TMC5: variants seen among roughly 807,000 people sequenced by gnomAD.
The protein encoded by TMC5 is transmembrane channel like 5.
TMC5 carries 86 observed loss-of-function variants against 110.5 expected under a neutral mutation model. The observed-to-expected ratio is 0.78, with a 90% CI of 0.65 to 0.93. TMC5 has a LOEUF of 0.93. Ranked by LOEUF, TMC5 falls within the 40% of genes least tolerant of loss-of-function variation. The pLI is 0.00. For synonymous variants in TMC5, 455 were observed against 439.5 expected (o/e 1.04, Z -0.44); for missense variants, 1,144 against 1,222.8 (o/e 0.94, Z 0.96).
chr16:19,416,976 C>T (rs1291095543), upstream of TMC5, among the ~76,000 whole-genome samples: 2 of 151,248 alleles, frequency 1.3e-5, no homozygotes, highest in Non-Finnish European at 2.9e-5. Flanking sequence ...CACCTGTAAT[C>T]CCAGCTACTC....
chr16:19,419,402 GTTT>G (rs55696911), intron 1 of TMC5, among the ~76,000 whole-genome samples: 1,236 of 65,308 alleles, frequency 0.019, 11 homozygotes, highest in African/African-American at 0.07. Flanking sequence ...GAATGTGTTG[GTTT>G]TTTTTTTTTT....
intron 14 of TMC5, among the ~76,000 whole-genome samples, chr16:19,479,945 A>AAAG (rs1292862930): frequency 7.3e-5 from 11 of 151,046 alleles, no homozygotes; most frequent in South Asian, 2.1e-4. Flanking sequence ...AAAAAAAAAA[A>AAAG]AAGAAGAAGA....
rs750868296 is a variant in TMC5, at chr16:19,463,272, C to G, written c.1149-8C>G. The G allele has an allele frequency of 6.2e-7, 1 of 1,606,686 alleles. No homozygotes were observed. Among genetic ancestry groups the G allele is most frequent in the Admixed American group, 1.7e-5 (1 of 59,978 alleles). On this transcript the variant is annotated splice_polypyrimidine_tract_variant and splice_region_variant and intron_variant, in intron 6 of 21. Transcript: ENST00000542583. ...GTATCTCTCATTTTCTCTTGCTGTTCCCTACAGGAAAATAGTTGACAAAGA... is the reference window on the plus strand; with the variant it reads ...GTATCTCTCATTTTCTCTTGCTGTTGCCTACAGGAAAATAGTTGACAAAGA...
intron 1 of TMC5, 64 bp downstream of exon 1, chr16:19,418,156 C>G (rs570228869): frequency 2.6e-4 from 39 of 152,296 alleles, no homozygotes; most frequent in African/African-American, 9.4e-4. Flanking sequence ...TGCTTGGGAA[C>G]GTGTCAGCGA....
At chr16:19,430,028 A>AC (rs1201703464) in intron 1 of TMC5, among the ~76,000 whole-genome samples, 1 of 152,034 alleles carries the variant, frequency 6.6e-6, no homozygotes, top group Non-Finnish European at 1.5e-5. Context: ...ATGCAACTCA[A>AC]CTCATAACAG....
At chr16:19,482,762 G>C (rs547267337) in intron 15 of TMC5, among the ~76,000 whole-genome samples, 1 of 152,088 alleles carries the variant, frequency 6.6e-6, no homozygotes, top group Non-Finnish European at 1.5e-5. Flanking sequence ...GAAACTCTGC[G>C]TGCATTGAGA....
intron 5 of TMC5, 70 bp downstream of exon 5, chr16:19,449,701 G>T (rs1967704141): frequency 7.2e-7 from 1 of 1,392,570 alleles, no homozygotes; most frequent in Non-Finnish European, 1.0e-6. Context: ...CATGTGTCGG[G>T]GGAGAGACCT....
intron 13 of TMC5, among the ~76,000 whole-genome samples, chr16:19,479,166 G>A (rs1968555968): frequency 6.6e-6 from 1 of 152,146 alleles, no homozygotes; most frequent in Non-Finnish European, 1.5e-5. Flanking sequence ...AGTTTTACGG[G>A]GAGAGATCAT....
chr16:19,452,835 A>G (rs948898854), intron 5 of TMC5, among the ~76,000 whole-genome samples: 3 of 152,098 alleles, frequency 2.0e-5, no homozygotes, highest in African/African-American at 7.2e-5. Flanking sequence ...ACTCCAAGAC[A>G]GAAAGGTGGG....
Position 19,440,833 on chromosome 16 carries a change from T to G in TMC5, c.788+7T>G, listed in dbSNP as rs758690828. ...CCCCAAAGATGACCAGGGGGTAAGT[T>G]CAGATATATATCCCTTCACTGGGAG... On this transcript the variant is annotated splice_region_variant and intron_variant, in intron 3 of 21. Coordinates refer to ENST00000542583, the MANE Select transcript of TMC5 (RefSeq NM_001261841.2). 6.2e-7 allele frequency: 1 copy of G among 1,609,456 alleles called. No homozygotes were observed. Among genetic ancestry groups the G allele is most frequent in the Admixed American group, 1.7e-5 (1 of 59,598 alleles).
At chr16:19,431,260 G>C (rs949684081) in intron 2 of TMC5, among the ~76,000 whole-genome samples, 21 of 152,116 alleles carry the variant, frequency 1.4e-4, no homozygotes, top group African/African-American at 5.1e-4. Flanking sequence ...AAACGTGGGG[G>C]CCGGGCGCGG....
Position 19,492,915 on chromosome 16 carries a change from G to GAGATATATATATATATATAT in TMC5, c.2826+688_2826+689insGATATATATATATATATATA, listed in dbSNP as rs1555486833. ...ATTATTTTTTATTTATTAAAACTTA[G>GAGATATATATATATATATAT]ATATATATATATATATATCTCTCTA... On this transcript the variant is annotated intron_variant, in intron 19 of 21. Coordinates refer to ENST00000542583, the MANE Select transcript of TMC5 (RefSeq NM_001261841.2). Among the ~76,000 whole-genome samples, 45 of 42,774 alleles carry GAGATATATATATATATATAT rather than the reference G, an allele frequency of 1.1e-3. 1 individual carries two copies. The highest frequency in any genetic ancestry group is 0.019 in the Middle Eastern group (1 of 52). The allele number at this position is 42,774 out of a possible 152,430, so 28.1% of individuals were successfully genotyped here.
intron 8 of TMC5, among the ~76,000 whole-genome samples, chr16:19,465,390 C>T (rs936721689): frequency 2.6e-5 from 4 of 151,892 alleles, no homozygotes; most frequent in East Asian, 1.9e-4. Flanking sequence ...AAAAATTAGC[C>T]GGATGTGGTG....
At chr16:19,478,638 G>A (rs143386998) in intron 13 of TMC5, among the ~76,000 whole-genome samples, 552 of 151,946 alleles carry the variant, frequency 3.6e-3, no homozygotes, top group Non-Finnish European at 6.3e-3. Context: ...ATTCATTCAT[G>A]TATTCATCCA....
At chr16:19,474,423 C>T (rs9925709) in intron 12 of TMC5, 147 bp downstream of exon 12, 27,579 of 898,682 alleles carry the variant, frequency 0.031, 1,078 homozygotes, top group African/African-American at 0.16. Context: ...CGTGGTGGCT[C>T]ATGTCAGTAA....
chr16:19,473,033 T>C (rs1052674809), intron 11 of TMC5, among the ~76,000 whole-genome samples: 3 of 151,764 alleles, frequency 2.0e-5, no homozygotes. Flanking sequence ...GCCCAGTGCC[T>C]CTCCCAGCCT....
intron 20 of TMC5, among the ~76,000 whole-genome samples, chr16:19,494,612 G>T (rs1359125867): frequency 6.6e-6 from 1 of 152,162 alleles, no homozygotes; most frequent in Non-Finnish European, 1.5e-5. Flanking sequence ...TTTGAGACCA[G>T]CCTGGCCAAT....
Position 19,457,709 on chromosome 16 carries a change from C to CTTTTTTTTTTTTTTTTTTTTTTTTT in TMC5, c.1049-2516_1049-2492dup, listed in dbSNP as rs573979829. Among the ~76,000 whole-genome samples the CTTTTTTTTTTTTTTTTTTTTTTTTT allele has an allele frequency of 9.1e-5, 4 of 43,906 alleles. 2 individuals are homozygous for CTTTTTTTTTTTTTTTTTTTTTTTTT. The highest frequency in any genetic ancestry group is 2.1e-4 in the Non-Finnish European group (4 of 18,950). 28.8% of individuals were successfully genotyped at this position (43,906 alleles called of 152,430 possible). A position where few individuals can be genotyped will look rare whatever the true frequency, so the allele number is the denominator to read the frequency against. ...TCTATCTGATTCCCAAGACTACATT[C>CTTTTTTTTTTTTTTTTTTTTTTTTT]TTTTTTTTTTTTTTTTTTTTTTTTT... On this transcript the variant is annotated intron_variant, in intron 5 of 21. Transcript: ENST00000542583.
chr16:19,427,080 CT>C (rs1967101328), intron 1 of TMC5, among the ~76,000 whole-genome samples: 1 of 44,764 alleles, frequency 2.2e-5, no homozygotes, highest in Admixed American at 3.6e-4. Context: ...GTGCCCCCCT[CT>C]CCAGCAGGCT....
Sources: gnomAD v4.1 joint callset for allele counts (sites outside exome capture counted in the v4.1 genomes callset) on GRCh38, gnomAD v4.1.1 for gene constraint, MANE v1.5 for transcripts, NCBI Gene and HGNC (gene_info 2026-07-23, HGNC 2026-07-21) for gene names.